Variants in ANGPT1 observed in about 807,000 individuals in gnomAD.
ANGPT1 encodes angiopoietin 1, also known as angiopoietin-1.
A neutral mutation model predicts 62.2 loss-of-function variants in ANGPT1; 17 were observed. The observed-to-expected ratio is 0.27, with a 90% CI of 0.19 to 0.41. The LOEUF (loss-of-function observed/expected upper bound fraction) is 0.41. Ranked by LOEUF, ANGPT1 falls within the 10% of genes least tolerant of loss-of-function variation. The pLI is 1.00. For missense variants in ANGPT1, 478 were observed against 594.9 expected (o/e 0.80, Z 2.04); for synonymous variants, 199 against 198.9 (o/e 1.00, Z 0.00).
chr8:107,411,736 CAT>C (rs1238204650), intron 1 of ANGPT1, among the ~76,000 whole-genome samples: 1 of 152,132 alleles, frequency 6.6e-6, no homozygotes, highest in Non-Finnish European at 1.5e-5. Flanking sequence ...AAATAGGAGA[CAT>C]ATTGGCTCAG....
At chr8:107,264,070 G>T (rs1427603117) in intron 8 of ANGPT1, 151 bp downstream of exon 8, 2 of 884,912 alleles carry the variant, frequency 2.3e-6, no homozygotes, top group Non-Finnish European at 1.6e-6. Flanking sequence ...ACACAAGAAC[G>T]CAGGGTAAAT....
At chr8:107,302,108 T>A (rs1360478409) in intron 5 of ANGPT1, among the ~76,000 whole-genome samples, 2 of 151,918 alleles carry the variant, frequency 1.3e-5, no homozygotes, top group African/African-American at 4.8e-5. Context: ...AGACCTACTA[T>A]GTGCCAGAAA....
chr8:107,488,742 T>C (rs1355282155), intron 1 of ANGPT1, among the ~76,000 whole-genome samples: 2 of 152,196 alleles, frequency 1.3e-5, no homozygotes. Context: ...GTTACAATTC[T>C]CACCCCTTAT....
At chr8:107,470,537 T>G (rs1812325987) in intron 1 of ANGPT1, among the ~76,000 whole-genome samples, 1 of 152,134 alleles carries the variant, frequency 6.6e-6, no homozygotes, top group South Asian at 2.1e-4. Flanking sequence ...ATTAGCCCTT[T>G]GTCAGATGGA....
intron 8 of ANGPT1, among the ~76,000 whole-genome samples, chr8:107,254,115 C>G (rs572495794): frequency 3.4e-4 from 52 of 152,204 alleles, no homozygotes; most frequent in African/African-American, 1.2e-3. Flanking sequence ...TCCCAAATGA[C>G]CGGCGGGTCA....
At chr8:107,447,832 A>T (rs1334034959) in intron 1 of ANGPT1, among the ~76,000 whole-genome samples, 2 of 152,236 alleles carry the variant, frequency 1.3e-5, no homozygotes, top group African/African-American at 4.8e-5. Context: ...ATACACACAC[A>T]ATCCACAAAA....
At chr8:107,344,143 G>C (rs1026425233) in intron 2 of ANGPT1, among the ~76,000 whole-genome samples, 1 of 152,060 alleles carries the variant, frequency 6.6e-6, no homozygotes, top group African/African-American at 2.4e-5. Flanking sequence ...TTATTAAATA[G>C]CCAATATATG....
chr8:107,402,183 G>C (rs1394947913), intron 1 of ANGPT1, among the ~76,000 whole-genome samples: 2 of 152,080 alleles, frequency 1.3e-5, no homozygotes, highest in African/African-American at 4.8e-5. Flanking sequence ...AGAACAAATT[G>C]GTATTTGAGT....
At chr8:107,276,217 A>G (rs1480379067) in intron 7 of ANGPT1, among the ~76,000 whole-genome samples, 2 of 152,160 alleles carry the variant, frequency 1.3e-5, no homozygotes, top group Non-Finnish European at 2.9e-5. Context: ...CAGTCTAAAT[A>G]AAAGTAATGC....
chr8:107,331,853 C>G (rs528486566), intron 3 of ANGPT1, among the ~76,000 whole-genome samples: 57 of 152,278 alleles, frequency 3.7e-4, no homozygotes, highest in African/African-American at 1.3e-3. Context: ...ATACTCAGCA[C>G]AATCAAGAAA....
chr8:107,306,509 T>A (rs1426945530), intron 4 of ANGPT1, among the ~76,000 whole-genome samples: 1 of 152,158 alleles, frequency 6.6e-6, no homozygotes, highest in East Asian at 1.9e-4. Context: ...CATGACTTTT[T>A]GCATGACTCG....
intron 3 of ANGPT1, among the ~76,000 whole-genome samples, chr8:107,326,314 A>T (rs1307692875): frequency 6.6e-6 from 1 of 152,080 alleles, no homozygotes; most frequent in Non-Finnish European, 1.5e-5. Context: ...CCAGTTAATT[A>T]TCTCTTCTCA....
chr8:107,469,643 T>A (rs567161810), intron 1 of ANGPT1, among the ~76,000 whole-genome samples: 2 of 152,126 alleles, frequency 1.3e-5, no homozygotes, highest in South Asian at 4.1e-4. Flanking sequence ...AATTATGTCA[T>A]CTTTGAAAAG....
At chr8:107,326,171 A>G (rs1389435169) in intron 3 of ANGPT1, among the ~76,000 whole-genome samples, 1 of 152,112 alleles carries the variant, frequency 6.6e-6, no homozygotes, top group East Asian at 1.9e-4. Flanking sequence ...TGTGAAAAAG[A>G]GACTGTCCAT....
chr8:107,360,018 T>TCTGGAAAACTCTGCTGCCCTC (rs1227292544), intron 1 of ANGPT1, among the ~76,000 whole-genome samples: 2 of 152,128 alleles, frequency 1.3e-5, no homozygotes, highest in Non-Finnish European at 2.9e-5. Context: ...TTGGAGAAAT[T>TCTGGAAAACTCTGCTGCCCTC]CTGGAAAACT....
intron 1 of ANGPT1, among the ~76,000 whole-genome samples, chr8:107,444,800 C>T (rs1445222986): frequency 6.6e-6 from 1 of 152,032 alleles, no homozygotes. Context: ...CAGATGATAG[C>T]TATTAATTTT....
At chr8:107,416,479 A>G (rs1011265749) in intron 1 of ANGPT1, among the ~76,000 whole-genome samples, 2 of 152,210 alleles carry the variant, frequency 1.3e-5, no homozygotes, top group Non-Finnish European at 2.9e-5. Flanking sequence ...CTGTCCAGGC[A>G]CATATATAAG....
chr8:107,339,955 G>A (rs1293707670), intron 2 of ANGPT1, among the ~76,000 whole-genome samples: 1 of 152,172 alleles, frequency 6.6e-6, no homozygotes, highest in Non-Finnish European at 1.5e-5. Flanking sequence ...GGGCAGTTTA[G>A]AGCACAAATG....
intron 1 of ANGPT1, among the ~76,000 whole-genome samples, chr8:107,431,999 G>T (rs1469506249): frequency 6.6e-6 from 1 of 151,992 alleles, no homozygotes; most frequent in African/African-American, 2.4e-5. Flanking sequence ...ACTCAATTGA[G>T]CATAGATGTT....
Sources: allele counts gnomAD v4.1 joint callset (sites outside exome capture counted in the v4.1 genomes callset), GRCh38; gene constraint gnomAD v4.1.1; transcripts MANE v1.5; gene names NCBI Gene and HGNC (gene_info 2026-07-23, HGNC 2026-07-21).